GOLPH3: variants seen among roughly 807,000 people sequenced by gnomAD.
The protein encoded by GOLPH3 is coat protein GPP34.
Under a neutral mutation model 28.5 loss-of-function variants are expected in GOLPH3, and 14 were observed. The observed-to-expected ratio is 0.49, with a 90% CI of 0.32 to 0.77. GOLPH3 has a LOEUF of 0.77. GOLPH3 is among the 30% of genes least tolerant of loss of function. GOLPH3 has a pLI of 0.03. For missense variants in GOLPH3, 350 were observed against 393.7 expected, an observed-to-expected ratio of 0.89 and a Z score of 0.94; for synonymous variants, 158 against 159.2, an observed-to-expected ratio of 0.99 and a Z score of 0.06.
chr5:32,142,513 G>C (rs1405902040), intron 2 of GOLPH3, among the ~76,000 whole-genome samples: 1 of 150,220 alleles, frequency 6.7e-6, no homozygotes, highest in African/African-American at 2.4e-5. Context: ...CCCCGTCCGG[G>C]AGGTGAGGGG....
intron 1 of GOLPH3, among the ~76,000 whole-genome samples, chr5:32,172,942 C>T (rs186064200): frequency 2.0e-5 from 3 of 152,302 alleles, no homozygotes; most frequent in African/African-American, 7.2e-5. Context: ...AGTATATATG[C>T]ATATGTATCT....
chr5:32,168,828 C>T (rs200619572), intron 1 of GOLPH3, among the ~76,000 whole-genome samples: 8 of 152,206 alleles, frequency 5.3e-5, no homozygotes, highest in Non-Finnish European at 8.8e-5. Context: ...ATCCTAGAGC[C>T]GGTCGCAGTA....
chr5:32,173,732 C>A (rs1403012981), intron 1 of GOLPH3, 78 bp downstream of exon 1: 1 of 1,068,430 alleles, frequency 9.4e-7, no homozygotes, highest in Non-Finnish European at 1.2e-6. Flanking sequence ...CTCGGGCGCT[C>A]ACCTGGCACC....
Position 32,159,063 on chromosome 5 carries a change from G to C in GOLPH3, c.225+14747C>G, listed in dbSNP as rs116146818. Among the ~76,000 whole-genome samples, 1,516 of 152,286 alleles carry C rather than the reference G, an allele frequency of 1.0e-2. 25 individuals carry two copies. Among genetic ancestry groups the C allele is most frequent in the African/African-American group, 0.034 (1,396 of 41,558 alleles). ...GAGTGGCAAAGCAGGGAATGAAATT[G>C]GTCTGCCTGGCTCCAAAGCCCTGGC... On this transcript the variant is annotated intron_variant, in intron 1 of 3. Coordinates refer to ENST00000265070, the MANE Select transcript of GOLPH3 (RefSeq NM_022130.4).
chr5:32,140,666 A>G (rs1027365931), intron 2 of GOLPH3, among the ~76,000 whole-genome samples: 3 of 122,262 alleles, frequency 2.5e-5, no homozygotes, highest in African/African-American at 4.1e-5. Flanking sequence ...TCAGTCTCAG[A>G]AAAAAAAAAA....
intron 1 of GOLPH3, among the ~76,000 whole-genome samples, chr5:32,161,765 C>T (rs1746583320): frequency 6.6e-6 from 1 of 151,266 alleles, no homozygotes; most frequent in South Asian, 2.1e-4. Flanking sequence ...CGGTGGCTCA[C>T]GCCTGTAATC....
chr5:32,153,955 C>T (rs1203854131), intron 1 of GOLPH3, among the ~76,000 whole-genome samples: 1 of 152,122 alleles, frequency 6.6e-6, no homozygotes, highest in East Asian at 1.9e-4. Context: ...AGGAAATGTA[C>T]GAGTTGAGTC....
intron 1 of GOLPH3, among the ~76,000 whole-genome samples, chr5:32,153,745 AT>A (rs896621910): frequency 1.3e-5 from 2 of 152,106 alleles, no homozygotes; most frequent in Non-Finnish European, 2.9e-5. Flanking sequence ...ACGTAAACAG[AT>A]TTTTTTTCCT....
chr5:32,158,149 AC>A (rs1746495409), intron 1 of GOLPH3, among the ~76,000 whole-genome samples: 1 of 150,434 alleles, frequency 6.6e-6, no homozygotes, highest in Non-Finnish European at 1.5e-5. Flanking sequence ...ACACACACAC[AC>A]ACACACACAC....
At chr5:32,140,624 A>G (rs1362142648) in intron 2 of GOLPH3, among the ~76,000 whole-genome samples, 2 of 151,324 alleles carry the variant, frequency 1.3e-5, no homozygotes, top group Non-Finnish European at 3.0e-5. Context: ...GATGGCACCA[A>G]CTGCACTCCA....
chr5:32,138,593 T>C (rs1745990112), intron 2 of GOLPH3, among the ~76,000 whole-genome samples: 1 of 152,228 alleles, frequency 6.6e-6, no homozygotes. Flanking sequence ...TTAATTTTAA[T>C]ATTTTGATTT....
At chr5:32,168,041 C>T (rs1209953159) in intron 1 of GOLPH3, among the ~76,000 whole-genome samples, 1 of 151,772 alleles carries the variant, frequency 6.6e-6, no homozygotes, top group Admixed American at 6.6e-5. Context: ...GTTTAAACAC[C>T]TGAAAAAAAT....
intron 1 of GOLPH3, among the ~76,000 whole-genome samples, chr5:32,150,515 T>C (rs1746281009): frequency 6.7e-6 from 1 of 149,462 alleles, no homozygotes; most frequent in East Asian, 2.0e-4. Flanking sequence ...CTAAAATAGA[T>C]TTAAAAGTCT....
In GOLPH3 at chr5:32,174,139, G is replaced by C. The variant is rs1746920893; in HGVS notation, c.-105C>G. The C allele has an allele frequency of 1.3e-6, 1 of 746,570 alleles. No homozygotes were observed. The allele number at this position is 746,570 out of a possible 1,614,324, so 46.2% of individuals were successfully genotyped here. A position where few individuals can be genotyped will look rare whatever the true frequency, so the allele number is the denominator to read the frequency against. ...CGATCCGGGTTTCCGTGTTAAATCCGGACGCCGGGGCGACGTCCGTCGGCA... is the reference window on the plus strand; with the variant it reads ...CGATCCGGGTTTCCGTGTTAAATCCCGACGCCGGGGCGACGTCCGTCGGCA... On this transcript the variant is annotated 5_prime_UTR_variant, in exon 1 of 4. Transcript: ENST00000265070.
intron 1 of GOLPH3, among the ~76,000 whole-genome samples, chr5:32,161,489 G>C (rs1217916587): frequency 2.0e-5 from 3 of 151,034 alleles, no homozygotes; most frequent in South Asian, 2.1e-4. Context: ...TGACCACAAG[G>C]GCTGGAAGAG....
At chr5:32,154,212 C>T (rs1007495874) in intron 1 of GOLPH3, among the ~76,000 whole-genome samples, 1 of 152,136 alleles carries the variant, frequency 6.6e-6, no homozygotes, top group Admixed American at 6.5e-5. Flanking sequence ...GTAGCTAAGG[C>T]ACAAACTCCT....
rs113148035 is a variant in GOLPH3, at chr5:32,128,138, A to G, written c.473-1502T>C. Among the ~76,000 whole-genome samples the G allele has an allele frequency of 1.0e-2, 1,516 of 152,352 alleles. 26 individuals carry two copies. Among genetic ancestry groups the G allele is most frequent in the African/African-American group, 0.035 (1,474 of 41,588 alleles). On this transcript the variant is annotated intron_variant, in intron 3 of 3. Transcript: ENST00000265070. ...GTCTTGGGCTGAAAGCTAAAGCTAC[A>G]TGTGTTAGGGTGAGAAATTCCACAA... is the stretch of plus-strand genomic sequence containing the variant.
intron 1 of GOLPH3, among the ~76,000 whole-genome samples, chr5:32,158,132 T>TAAATAAAATACAC (rs1308648161): frequency 1.8e-4 from 6 of 33,684 alleles, no homozygotes; most frequent in African/African-American, 6.0e-4. Flanking sequence ...ATAAATAAAA[T>TAAATAAAATACAC]ACACACACAC....
At chr5:32,169,449 T>C (rs545749008) in intron 1 of GOLPH3, among the ~76,000 whole-genome samples, 2 of 152,192 alleles carry the variant, frequency 1.3e-5, no homozygotes, top group South Asian at 2.1e-4. Context: ...TTAAATTATA[T>C]GTAAAAGCCA....
Sources: gnomAD v4.1 joint callset for allele counts (sites outside exome capture counted in the v4.1 genomes callset) on GRCh38, gnomAD v4.1.1 for gene constraint, MANE v1.5 for transcripts, NCBI Gene and HGNC (gene_info 2026-07-23, HGNC 2026-07-21) for gene names.